The following AGPS variants were observed in gnomAD, a reference collection of about 807,000 sequenced individuals.
AGPS encodes alkylglycerone phosphate synthase.
In AGPS, 26 loss-of-function variants were observed where a neutral mutation model predicts 90.7. The observed-to-expected ratio is 0.29, with a 90% CI of 0.21 to 0.40. The LOEUF (loss-of-function observed/expected upper bound fraction) is 0.40. Ranked by LOEUF, AGPS falls within the 10% of genes least tolerant of loss-of-function variation. The pLI is 1.00. For synonymous variants in AGPS, 294 were observed against 285.3 expected (o/e 1.03, Z -0.31); for missense variants, 540 against 816.1 (o/e 0.66, Z 4.12).
intron 9 of AGPS, among the ~76,000 whole-genome samples, chr2:177,462,748 A>T (rs890248758): frequency 1.2e-4 from 18 of 152,216 alleles, no homozygotes; most frequent in African/African-American, 4.3e-4. Context: ...ACATTGTATT[A>T]TTCATAAATA....
At chr2:177,489,087 C>CTTT (rs373471623) in intron 11 of AGPS, among the ~76,000 whole-genome samples, 3 of 139,980 alleles carry the variant, frequency 2.1e-5, no homozygotes, top group Admixed American at 7.2e-5. Flanking sequence ...TTTGATGTTT[C>CTTT]TTTTTTTTTT....
chr2:177,485,300 A>G (rs1484972085), intron 11 of AGPS, among the ~76,000 whole-genome samples: 1 of 152,156 alleles, frequency 6.6e-6, no homozygotes, highest in Non-Finnish European at 1.5e-5. Flanking sequence ...CACTGCAAAT[A>G]CTTACATGTA....
intron 19 of AGPS, among the ~76,000 whole-genome samples, chr2:177,526,420 G>C (rs1169088579): frequency 6.6e-6 from 1 of 151,964 alleles, no homozygotes; most frequent in Non-Finnish European, 1.5e-5. Context: ...AGTAGAGACG[G>C]GTTTTCACCA....
chr2:177,496,739 A>G (rs1454268038), intron 12 of AGPS, among the ~76,000 whole-genome samples: 1 of 152,120 alleles, frequency 6.6e-6, no homozygotes, highest in East Asian at 1.9e-4. Context: ...AGATTCTTAT[A>G]AAAAATGGAT....
intron 16 of AGPS, among the ~76,000 whole-genome samples, chr2:177,510,372 T>C (rs1688835068): frequency 6.6e-6 from 1 of 152,198 alleles, no homozygotes; most frequent in South Asian, 2.1e-4. Context: ...CAGGACCTAA[T>C]GACCCACCTT....
Position 177,540,194 on chromosome 2 carries a change from A to G in AGPS, c.*1999A>G, listed in dbSNP as rs1040454746. 2.6e-5 allele frequency: 4 copies of G among 151,698 alleles called. No homozygotes were observed. Among genetic ancestry groups the G allele is most frequent in the African/African-American group, 7.3e-5 (3 of 41,320 alleles). 9.4% of individuals were successfully genotyped at this position (151,698 alleles called of 1,614,324 possible). ...ATAACATTCTTTCCCAGGGAGTTCAATTTCAGCAACCTCAGAAATCCATAC... is the reference window on the plus strand; with the variant it reads ...ATAACATTCTTTCCCAGGGAGTTCAGTTTCAGCAACCTCAGAAATCCATAC... On this transcript the variant is annotated 3_prime_UTR_variant, in exon 20 of 20. Coordinates refer to ENST00000264167, the MANE Select transcript of AGPS (RefSeq NM_003659.4).
At chr2:177,421,218 T>G (rs1685930692) in intron 2 of AGPS, among the ~76,000 whole-genome samples, 1 of 152,012 alleles carries the variant, frequency 6.6e-6, no homozygotes, top group Admixed American at 6.6e-5. Flanking sequence ...ACTTAAATGC[T>G]GGAACCAAAA....
intron 5 of AGPS, among the ~76,000 whole-genome samples, chr2:177,440,253 C>T (rs968465204): frequency 2.0e-5 from 3 of 151,864 alleles, no homozygotes; most frequent in African/African-American, 4.8e-5. Flanking sequence ...ACAGAGTATC[C>T]TTATAGTGGG....
At chr2:177,423,426 C>T (rs2105612577) in intron 2 of AGPS, among the ~76,000 whole-genome samples, 1 of 152,234 alleles carries the variant, frequency 6.6e-6, no homozygotes, top group South Asian at 2.1e-4. Flanking sequence ...TCTATTCTGG[C>T]AGTGAGGTAG....
At chr2:177,442,365 A>G (rs1281175227) in intron 6 of AGPS, 42 bp from the exon 7 acceptor site, 18 of 1,444,672 alleles carry the variant, frequency 1.2e-5, no homozygotes, top group Non-Finnish European at 1.8e-5. Flanking sequence ...AGCTAAAAAC[A>G]GAATATTTAA....
In AGPS at chr2:177,482,270, G is replaced by T. The variant is rs557648096; in HGVS notation, c.1233+84G>T. 1.2e-4 allele frequency: 90 copies of T among 749,794 alleles called. No homozygotes were observed. The African/African-American group carries it at 1.6e-3, about 13-fold the overall frequency. The allele number at this position is 749,794 out of a possible 1,614,324, so 46.4% of individuals were successfully genotyped here. ...TTCAAATTCTACTACATAGTTGATT[G>T]TGATATGTTACAACTAATCTTCATT... On this transcript the variant is annotated intron_variant, in intron 11 of 19. Transcript: ENST00000264167.
chr2:177,509,700 T>A (rs1330686945), intron 16 of AGPS, among the ~76,000 whole-genome samples: 1 of 151,846 alleles, frequency 6.6e-6, no homozygotes, highest in Admixed American at 6.6e-5. Context: ...TTGGCAGCTA[T>A]TCATAGTGGT....
chr2:177,491,708 A>G (rs567950891), intron 11 of AGPS, among the ~76,000 whole-genome samples: 17 of 150,714 alleles, frequency 1.1e-4, no homozygotes, highest in Admixed American at 9.9e-4. Flanking sequence ...TAATTGTTTT[A>G]AAGATTAAAT....
At chr2:177,488,727 G>GTC (rs1263942449) in intron 11 of AGPS, among the ~76,000 whole-genome samples, 1 of 152,154 alleles carries the variant, frequency 6.6e-6, no homozygotes, top group Non-Finnish European at 1.5e-5. Flanking sequence ...TTCCAAGGTA[G>GTC]TCTCTAGGCT....
intron 8 of AGPS, among the ~76,000 whole-genome samples, chr2:177,461,207 G>C (rs1687283756): frequency 6.6e-6 from 1 of 152,210 alleles, no homozygotes; most frequent in East Asian, 1.9e-4. Flanking sequence ...GAATGGCTTT[G>C]GTGGTGTTGC....
intron 18 of AGPS, 44 bp from the exon 19 acceptor site, chr2:177,523,704 G>A (rs757825320): frequency 1.3e-6 from 2 of 1,575,216 alleles, no homozygotes; most frequent in Non-Finnish European, 1.7e-6. Flanking sequence ...ACTGCAAAAT[G>A]AAATCTAACT....
chr2:177,411,867 C>G (rs1242013641), intron 1 of AGPS, among the ~76,000 whole-genome samples: 1 of 152,142 alleles, frequency 6.6e-6, no homozygotes, highest in East Asian at 1.9e-4. Context: ...GGAGCCAAGG[C>G]TTGGAGATTG....
chr2:177,501,146 T>C (rs141521299), intron 14 of AGPS, among the ~76,000 whole-genome samples: 84 of 152,308 alleles, frequency 5.5e-4, no homozygotes, highest in African/African-American at 1.9e-3. Context: ...TTTCATAATT[T>C]CTAAGAAGGG....
rs1308095501 is a variant in AGPS, at chr2:177,505,486, AGTTT to A, written c.1476-16_1476-13del. ...AGATTAAGATAAAAAATTTATTAAC[AGTTT>A]GTTCTTTAATTACAGTGGGTTGGCA... is the stretch of plus-strand genomic sequence containing the variant. On this transcript the variant is annotated splice_polypyrimidine_tract_variant and intron_variant, in intron 14 of 19. Transcript: ENST00000264167. 3 of 1,603,758 alleles carry A rather than the reference AGTTT, an allele frequency of 1.9e-6. No homozygotes were observed. The highest frequency in any genetic ancestry group is 2.6e-6 in the Non-Finnish European group (3 of 1,172,058).
Sources: gnomAD v4.1 joint callset for allele counts (sites outside exome capture counted in the v4.1 genomes callset) on GRCh38, gnomAD v4.1.1 for gene constraint, MANE v1.5 for transcripts, NCBI Gene and HGNC (gene_info 2026-07-23, HGNC 2026-07-21) for gene names.